Variants in CCDC192 observed in about 807,000 individuals in gnomAD.
The protein encoded by CCDC192 is coiled-coil domain containing 192.
chr5:127,825,158 G>T (rs1749467407), intron 5 of CCDC192, among the ~76,000 whole-genome samples: 1 of 152,192 alleles, frequency 6.6e-6, no homozygotes, highest in Non-Finnish European at 1.5e-5. Context: ...GAAAAGGTTT[G>T]AGAATAGCAT....
intron 2 of CCDC192, among the ~76,000 whole-genome samples, chr5:127,736,672 C>T (rs1753017401): frequency 6.6e-6 from 1 of 151,630 alleles, no homozygotes; most frequent in South Asian, 2.1e-4. Flanking sequence ...GTGTATGTGT[C>T]CAGGAATTTA....
intron 6 of CCDC192, among the ~76,000 whole-genome samples, chr5:127,876,403 TAAG>T (rs1752080852): frequency 6.6e-6 from 1 of 152,160 alleles, no homozygotes; most frequent in Non-Finnish European, 1.5e-5. Context: ...AAGAATTCCC[TAAG>T]AATAAGCAGA....
intron 3 of CCDC192, chr5:127,784,687 A>G (rs1034130841): frequency 1.4e-6 from 1 of 690,800 alleles, no homozygotes. Context: ...TAGAATGTCA[A>G]TGCATTTCTT....
At chr5:127,866,073 G>A (rs1385839000) in intron 5 of CCDC192, among the ~76,000 whole-genome samples, 1 of 152,066 alleles carries the variant, frequency 6.6e-6, no homozygotes, top group African/African-American at 2.4e-5. Flanking sequence ...AACGCTATCT[G>A]CGGTTCTAGA....
At chr5:127,851,023 A>G (rs1201088943) in intron 5 of CCDC192, among the ~76,000 whole-genome samples, 1 of 152,162 alleles carries the variant, frequency 6.6e-6, no homozygotes, top group Non-Finnish European at 1.5e-5. Flanking sequence ...TGCAGAAGCA[A>G]CAAGAAGCAC....
intron 3 of CCDC192, among the ~76,000 whole-genome samples, chr5:127,779,450 C>G (rs1756060363): frequency 6.6e-6 from 1 of 152,120 alleles, no homozygotes; most frequent in African/African-American, 2.4e-5. Context: ...TGCCCGCCAC[C>G]ACGCCTGGCT....
rs147867857 is a variant in CCDC192 at position 127,730,357 on chromosome 5, T to C, written c.114+22597T>C. 6.4e-3 allele frequency among the ~76,000 whole-genome samples: 972 copies of C among 152,132 alleles called. 4 individuals carry two copies. The highest frequency in any genetic ancestry group is 8.4e-3 in the Non-Finnish European group (570 of 67,976). On this transcript the variant is annotated intron_variant, in intron 2 of 6. Transcript: ENST00000514853. The stretch of plus-strand genomic sequence containing the variant: ...GATATCTGAATAGACCAATTACAAG[T>C]TCTGAAATTGAGGCAGTAATAAATG...
intron 6 of CCDC192, among the ~76,000 whole-genome samples, chr5:127,917,759 G>T (rs1165360683): frequency 6.6e-6 from 1 of 152,062 alleles, no homozygotes; most frequent in African/African-American, 2.4e-5. Flanking sequence ...CACCATAAAA[G>T]ATATAATAAT....
chr5:127,784,622 A>G, intron 3 of CCDC192: 5 of 648,470 alleles, frequency 7.7e-6, no homozygotes, highest in South Asian at 5.6e-5. Flanking sequence ...GGTTAAGCCA[A>G]GTAACTGTAG....
intron 2 of CCDC192, among the ~76,000 whole-genome samples, chr5:127,723,871 A>C (rs893486305): frequency 1.6e-4 from 24 of 152,218 alleles, no homozygotes; most frequent in African/African-American, 5.5e-4. Context: ...TAATAGCCCC[A>C]GGTCTTCATG....
At chr5:127,855,579 C>CT (rs1476389477) in intron 5 of CCDC192, among the ~76,000 whole-genome samples, 1 of 152,196 alleles carries the variant, frequency 6.6e-6, no homozygotes, top group Non-Finnish European at 1.5e-5. Context: ...ATGGTCAAGC[C>CT]TTTCCAGAAG....
chr5:127,764,347 T>C (rs1284085023), intron 3 of CCDC192, among the ~76,000 whole-genome samples: 14 of 152,306 alleles, frequency 9.2e-5, no homozygotes, highest in Admixed American at 8.5e-4. Flanking sequence ...AGACAAGATA[T>C]ATTTATGAGT....
intron 6 of CCDC192, among the ~76,000 whole-genome samples, chr5:127,910,242 C>G (rs1238844364): frequency 6.6e-6 from 1 of 152,186 alleles, no homozygotes; most frequent in Non-Finnish European, 1.5e-5. Flanking sequence ...GTAAAATCCT[C>G]TATCAACCTT....
intron 6 of CCDC192, among the ~76,000 whole-genome samples, chr5:127,885,053 A>G (rs998204449): frequency 1.3e-5 from 2 of 152,092 alleles, no homozygotes; most frequent in South Asian, 4.1e-4. Context: ...TTATACCATT[A>G]TCAGGAAATG....
intron 3 of CCDC192, among the ~76,000 whole-genome samples, chr5:127,763,185 A>G (rs1237080382): frequency 1.3e-5 from 2 of 152,170 alleles, no homozygotes; most frequent in Non-Finnish European, 2.9e-5. Context: ...AGCTCCACCA[A>G]GGTTCTCACA....
intron 5 of CCDC192, 53 bp downstream of exon 5, chr5:127,798,215 G>A: frequency 5.0e-6 from 2 of 397,456 alleles, no homozygotes; most frequent in Non-Finnish European, 8.9e-6. Flanking sequence ...TGTTAGCTTG[G>A]AAATGAACAG....
intron 6 of CCDC192, among the ~76,000 whole-genome samples, chr5:127,899,578 AAT>A (rs1491522699): frequency 1.8e-4 from 26 of 146,260 alleles, no homozygotes; most frequent in African/African-American, 5.9e-4. Context: ...AAAAAAAAAA[AAT>A]TTGATTTGAT....
intron 2 of CCDC192, among the ~76,000 whole-genome samples, chr5:127,718,599 T>A (rs1751778092): frequency 6.6e-6 from 1 of 152,206 alleles, no homozygotes; most frequent in South Asian, 2.1e-4. Flanking sequence ...ATATACATCC[T>A]TAGAGTTTAA....
intron 5 of CCDC192, among the ~76,000 whole-genome samples, chr5:127,822,371 T>C (rs1010758954): frequency 6.6e-6 from 1 of 152,136 alleles, no homozygotes; most frequent in Non-Finnish European, 1.5e-5. Flanking sequence ...CATTCCTTTC[T>C]AAAATATTTA....
Sources: gnomAD v4.1 joint callset for allele counts (sites outside exome capture counted in the v4.1 genomes callset) on GRCh38, gnomAD v4.1.1 for gene constraint, MANE v1.5 for transcripts, NCBI Gene and HGNC (gene_info 2026-07-23, HGNC 2026-07-21) for gene names.